Variants in BCAS3 observed in about 807,000 individuals in gnomAD.
BCAS3 encodes the protein BCAS3 microtubule associated cell migration factor.
In BCAS3, 53 loss-of-function variants were observed where a neutral mutation model predicts 116.1. The ratio of observed to expected loss-of-function variants is 0.46; its 90% CI spans 0.37 to 0.57. The LOEUF is 0.57. Ranked by LOEUF, BCAS3 falls within the 20% of genes least tolerant of loss-of-function variation. BCAS3 has a pLI of 0.00. For missense variants in BCAS3, 917 were observed against 1,165.4 expected (o/e 0.79, Z 3.10); for synonymous variants, 391 against 408.2 (o/e 0.96, Z 0.51).
intron 13 of BCAS3, among the ~76,000 whole-genome samples, chr17:60,932,526 G>A (rs1450635937): frequency 1.3e-5 from 2 of 151,976 alleles, no homozygotes; most frequent in African/African-American, 4.8e-5. Context: ...TGGATCACAA[G>A]GTCAGGAGAT....
chr17:61,248,589 C>T lies in BCAS3; in HGVS notation c.2426-119738C>T, dbSNP rs2048151649. Among the ~76,000 whole-genome samples, 1 of 152,156 alleles carries T rather than the reference C, an allele frequency of 6.6e-6. No individual in the cohort carries two copies. Among genetic ancestry groups the T allele is most frequent in the Admixed American group, 6.5e-5 (1 of 15,276 alleles). On this transcript the variant is annotated intron_variant, in intron 22 of 23. Transcript: ENST00000407086. This position sits in a 1 kb window ranked among gnomAD's most constrained non-coding sequence, Gnocchi z 4.3. ...AGAATTTGTCTGGTTTGTGCTTCCTCAGCAGGGAGGAAGTAGCAGTGACCT... is the reference window on the plus strand; with the variant it reads ...AGAATTTGTCTGGTTTGTGCTTCCTTAGCAGGGAGGAAGTAGCAGTGACCT...
At position 61,339,782 on chromosome 17, in the gene BCAS3, A is replaced by G. The variant is rs1186719191; in HGVS notation, c.2426-28545A>G. 2.6e-5 allele frequency among the ~76,000 whole-genome samples: 4 copies of G among 151,076 alleles called. No individual in the cohort carries two copies. The highest frequency in any genetic ancestry group is 1.5e-5 in the Non-Finnish European group (1 of 67,736). On this transcript the variant is annotated intron_variant, in intron 22 of 23. Transcript: ENST00000407086. The surrounding 1 kb of genome is among the most constrained non-coding windows in gnomAD (Gnocchi z 4.4). Reference sequence around the variant, plus strand: ...CCCCATCTAAAAAAAAAAAAAAAAGACCAAGGAGATGAGTGGAAGAGCCAG... The same window carrying G: ...CCCCATCTAAAAAAAAAAAAAAAAGGCCAAGGAGATGAGTGGAAGAGCCAG...
chr17:61,187,682 C>T (rs546334885), intron 22 of BCAS3, among the ~76,000 whole-genome samples: 1 of 152,224 alleles, frequency 6.6e-6, no homozygotes, highest in South Asian at 2.1e-4. Flanking sequence ...AATTTCACCA[C>T]ATTATGTTCT....
At chr17:60,708,000 G>C (rs73334306) in intron 4 of BCAS3, among the ~76,000 whole-genome samples, 10,079 of 152,094 alleles carry the variant, frequency 0.066, 1,122 homozygotes, top group African/African-American at 0.23. Flanking sequence ...GAACGATTTG[G>C]TGCTTATTCC....
chr17:60,686,156 C>A (rs192466174), intron 3 of BCAS3, among the ~76,000 whole-genome samples: 35 of 152,264 alleles, frequency 2.3e-4, no homozygotes, highest in Middle Eastern at 3.4e-3. Flanking sequence ...GTGTGAGCCA[C>A]CGCACCCGGC....
Position 60,889,714 on chromosome 17 carries a change from G to A in BCAS3, c.681G>A (p.Gly227=), listed in dbSNP as rs1233880924. 1.9e-6 allele frequency: 3 copies of A among 1,613,240 alleles called. No individual in the cohort carries two copies. The highest frequency in any genetic ancestry group is 1.7e-5 in the Admixed American group (1 of 60,012). The change falls in exon 10 of 24, where the codon GGG becomes GGA. Residue 227 remains glycine, a synonymous_variant. Transcript: ENST00000407086. ...TTTCAGGCTGCTATCCATGTCCAGGGCCAAACATGAATCCTATTGCTCTTG... is the reference window on the plus strand; with the variant it reads ...TTTCAGGCTGCTATCCATGTCCAGGACCAAACATGAATCCTATTGCTCTTG... ...FFVTSCYPCP[G]PNMNPIALGS... is the part of the protein sequence containing the mutation.
rs2055600561 is a variant in BCAS3 at position 61,324,871 on chromosome 17, T to A, written c.2426-43456T>A. 6.6e-6 allele frequency among the ~76,000 whole-genome samples: 1 copy of A among 151,676 alleles called. No individual in the cohort carries two copies. The highest frequency in any genetic ancestry group is 2.4e-5 in the African/African-American group (1 of 41,266). ...AAAAAAGAAGATGTAGACTGTGTGA[T>A]CTCTGAAATTTCTCCATGTTCAAAA... On this transcript the variant is annotated intron_variant, in intron 22 of 23. Coordinates refer to ENST00000407086, the MANE Select transcript of BCAS3 (RefSeq NM_017679.5). This position sits in a 1 kb window ranked among gnomAD's most constrained non-coding sequence, Gnocchi z 4.6.
chr17:61,336,632 A>G (rs949667494), intron 22 of BCAS3, among the ~76,000 whole-genome samples: 1 of 152,122 alleles, frequency 6.6e-6, no homozygotes, highest in Non-Finnish European at 1.5e-5. Context: ...AATCCTTTGT[A>G]CTTTGTACTG....
intron 7 of BCAS3, chr17:60,851,418 G>A (rs529951013): frequency 3.6e-5 from 15 of 415,820 alleles, no homozygotes; most frequent in South Asian, 2.1e-4. Flanking sequence ...CGAAGGGGCC[G>A]CCAAGGAAGA....
chr17:61,373,860 C>T (rs2059191789), intron 23 of BCAS3, among the ~76,000 whole-genome samples: 2 of 124,504 alleles, frequency 1.6e-5, no homozygotes, highest in African/African-American at 3.1e-5. Flanking sequence ...TACAGTGGTG[C>T]GATCTCGGCT....
chr17:61,043,537 T>G (rs764006316), intron 19 of BCAS3, among the ~76,000 whole-genome samples: 15 of 151,914 alleles, frequency 9.9e-5, no homozygotes, highest in East Asian at 1.9e-4. Context: ...TGTGTGGAGT[T>G]GTCACGTTCT....
At chr17:61,193,681 C>T (rs141503611) in intron 22 of BCAS3, among the ~76,000 whole-genome samples, 4,549 of 137,902 alleles carry the variant, frequency 0.033, 247 homozygotes, top group African/African-American at 0.12. Context: ...GGCTTGAACC[C>T]GGGAGGTGGA....
intron 12 of BCAS3, 74 bp from the exon 13 acceptor site, chr17:60,924,333 C>A: frequency 8.0e-7 from 1 of 1,257,138 alleles, no homozygotes; most frequent in Non-Finnish European, 1.2e-6. Flanking sequence ...TTGTGATGTG[C>A]CTTCTTATAG....
At chr17:61,342,071 C>T (rs1480441275) in intron 22 of BCAS3, among the ~76,000 whole-genome samples, 4 of 151,506 alleles carry the variant, frequency 2.6e-5, no homozygotes, top group Admixed American at 2.6e-4. Context: ...GGTGTGATCT[C>T]GGCTCACTGC....
intron 14 of BCAS3, among the ~76,000 whole-genome samples, chr17:60,970,453 G>A (rs2061897925): frequency 6.6e-6 from 1 of 152,080 alleles, no homozygotes; most frequent in African/African-American, 2.4e-5. Context: ...ATAAGGTAGT[G>A]TTGAATATAG....
intron 8 of BCAS3, among the ~76,000 whole-genome samples, chr17:60,869,427 T>G (rs932136347): frequency 5.9e-5 from 9 of 152,176 alleles, no homozygotes; most frequent in African/African-American, 2.2e-4. Flanking sequence ...GCAAAACACC[T>G]GAAATATAGA....
chr17:60,870,947 A>C (rs2055046915), intron 8 of BCAS3, among the ~76,000 whole-genome samples: 1 of 152,200 alleles, frequency 6.6e-6, no homozygotes, highest in Non-Finnish European at 1.5e-5. Context: ...AAGACTTTAA[A>C]GTTCTTTCTA....
At chr17:60,951,438 A>C (rs993615258) in intron 14 of BCAS3, among the ~76,000 whole-genome samples, 1 of 152,170 alleles carries the variant, frequency 6.6e-6, no homozygotes, top group African/African-American at 2.4e-5. Flanking sequence ...TACATGGAAC[A>C]AAAACATCAA....
rs1315583617 is a variant in BCAS3 at position 61,215,902 on chromosome 17, G to A, written c.2425+131338G>A. ...TGTACAGCCAGATTTGAAAACCTTTGTCTTAGTCAGATCTCTGTGCTTTTC... is the reference window on the plus strand; with the variant it reads ...TGTACAGCCAGATTTGAAAACCTTTATCTTAGTCAGATCTCTGTGCTTTTC... On this transcript the variant is annotated intron_variant, in intron 22 of 23. Coordinates refer to ENST00000407086, the MANE Select transcript of BCAS3 (RefSeq NM_017679.5). This position sits in a 1 kb window ranked among gnomAD's most constrained non-coding sequence, Gnocchi z 4.8. 6.6e-6 allele frequency among the ~76,000 whole-genome samples: 1 copy of A among 152,160 alleles called. No homozygotes were observed. The highest frequency in any genetic ancestry group is 1.5e-5 in the Non-Finnish European group (1 of 68,040).
Sources: allele counts gnomAD v4.1 joint callset (sites outside exome capture counted in the v4.1 genomes callset), GRCh38; gene constraint gnomAD v4.1.1; non-coding constraint Gnocchi (gnomAD v3.1); transcripts MANE v1.5; gene names NCBI Gene and HGNC (gene_info 2026-07-23, HGNC 2026-07-21).